Variants in RBFOX1 observed in about 807,000 individuals in gnomAD.
RBFOX1 encodes the protein RNA binding fox-1 homolog 1.
In RBFOX1, 8 loss-of-function variants were observed where a neutral mutation model predicts 57.7. That is an observed-to-expected ratio of 0.14 (90% CI 0.08 to 0.25). RBFOX1 has a LOEUF of 0.25. Among genes scored for constraint, RBFOX1 ranks in the 10% least tolerant of loss-of-function variants. The pLI, the probability that RBFOX1 is intolerant of heterozygous loss-of-function variation, is 1.00. For missense variants in RBFOX1, 611 were observed against 548.5 expected (o/e 1.11, Z -1.14); for synonymous variants, 326 against 222.4 (o/e 1.47, Z -4.15).
At chr16:7,377,923 G>A (rs1189161881) in intron 4 of RBFOX1, among the ~76,000 whole-genome samples, 1 of 152,172 alleles carries the variant, frequency 6.6e-6, no homozygotes, top group Non-Finnish European at 1.5e-5. Context: ...AAGTTTTAAG[G>A]AGGTGATGTT....
chr16:6,672,298 A>G (rs941628790), intron 3 of RBFOX1, among the ~76,000 whole-genome samples: 2 of 152,100 alleles, frequency 1.3e-5, no homozygotes, highest in African/African-American at 4.8e-5. Context: ...TATACATCCA[A>G]TATAAAATAA....
intron 3 of RBFOX1, among the ~76,000 whole-genome samples, chr16:6,832,557 C>G (rs1040949806): frequency 8.5e-5 from 13 of 152,172 alleles, no homozygotes; most frequent in African/African-American, 2.9e-4. Flanking sequence ...GTCTTGGGGT[C>G]TCAGGGGCTG....
At chr16:7,014,701 A>G (rs9926160) in intron 3 of RBFOX1, among the ~76,000 whole-genome samples, 114,767 of 152,052 alleles carry the variant, frequency 0.75, 43,501 homozygotes, top group East Asian at 0.92. Context: ...GAGAGAGTGG[A>G]TGATAAACTA....
At position 7,346,894 on chromosome 16, in the gene RBFOX1, T is replaced by C. The variant is rs531243442; in HGVS notation, c.28-171253T>C. ...TGAAGGAACAGAACTCAATCCTGTC[T>C]AGCTTCAAAAAAAACGAGAGGGGCA... On this transcript the variant is annotated intron_variant, in intron 4 of 15. Transcript: ENST00000550418. Among the ~76,000 whole-genome samples, 9 of 152,216 alleles carry C rather than the reference T, an allele frequency of 5.9e-5. No individual in the cohort carries two copies. The Middle Eastern group carries it at 0.01, about 173-fold the overall frequency.
intron 4 of RBFOX1, among the ~76,000 whole-genome samples, chr16:7,330,571 C>G (rs2096675892): frequency 1.3e-5 from 2 of 151,096 alleles, no homozygotes; most frequent in African/African-American, 4.9e-5. Flanking sequence ...TACAATGGAT[C>G]ACTATCTTCT....
chr16:7,113,738 A>G (rs563472932), intron 4 of RBFOX1, among the ~76,000 whole-genome samples: 8 of 152,068 alleles, frequency 5.3e-5, no homozygotes, highest in Non-Finnish European at 8.8e-5. Context: ...ATAATGTCCT[A>G]TGTTATAGAT....
intron 2 of RBFOX1, among the ~76,000 whole-genome samples, chr16:5,557,410 T>G (rs59483243): frequency 6.6e-6 from 1 of 151,702 alleles, no homozygotes. Context: ...TGGGTCCCCA[T>G]ATGAAGCTTA....
At chr16:7,320,276 T>C (rs764108210) in intron 4 of RBFOX1, among the ~76,000 whole-genome samples, 1 of 152,074 alleles carries the variant, frequency 6.6e-6, no homozygotes, top group Non-Finnish European at 1.5e-5. Context: ...TCCCTCCCTG[T>C]ATCCATGTGT....
At chr16:6,722,218 C>A (rs1274935612) in intron 3 of RBFOX1, among the ~76,000 whole-genome samples, 1 of 152,192 alleles carries the variant, frequency 6.6e-6, no homozygotes, top group South Asian at 2.1e-4. Context: ...TTTGAAGGAA[C>A]CACTATCCTG....
At chr16:7,078,117 G>C (rs961398252) in intron 4 of RBFOX1, among the ~76,000 whole-genome samples, 5 of 152,072 alleles carry the variant, frequency 3.3e-5, no homozygotes, top group African/African-American at 1.2e-4. Context: ...GAGAAAGGCT[G>C]GTAACTCCAC....
At chr16:6,197,841 C>T (rs1386801458) in intron 1 of RBFOX1, among the ~76,000 whole-genome samples, 1 of 152,022 alleles carries the variant, frequency 6.6e-6, no homozygotes, top group Non-Finnish European at 1.5e-5. Flanking sequence ...TCTGTTGTTC[C>T]CTTCGTGTCC....
chr16:6,761,433 G>C (rs967276036), intron 3 of RBFOX1, among the ~76,000 whole-genome samples: 1 of 142,584 alleles, frequency 7.0e-6, no homozygotes, highest in African/African-American at 2.6e-5. Context: ...CAAGGTAACA[G>C]TTTTCCTGTT....
At chr16:6,126,123 A>T (rs1015859673) in intron 1 of RBFOX1, among the ~76,000 whole-genome samples, 1 of 152,188 alleles carries the variant, frequency 6.6e-6, no homozygotes, top group Non-Finnish European at 1.5e-5. Flanking sequence ...TTTCGTTTCC[A>T]CTTCAGCCAG....
intron 4 of RBFOX1, among the ~76,000 whole-genome samples, chr16:5,983,362 A>G (rs537343590): frequency 5.3e-5 from 8 of 152,196 alleles, no homozygotes; most frequent in Non-Finnish European, 1.2e-4. Context: ...TTAGACGTGG[A>G]GCTTCTCCGC....
At chr16:6,850,009 A>G (rs985148539) in intron 3 of RBFOX1, among the ~76,000 whole-genome samples, 2 of 152,206 alleles carry the variant, frequency 1.3e-5, no homozygotes, top group Admixed American at 6.5e-5. Flanking sequence ...AAAAGTGACA[A>G]GTGACATCTT....
chr16:7,166,660 T>C (rs2079564962), intron 4 of RBFOX1, among the ~76,000 whole-genome samples: 1 of 152,050 alleles, frequency 6.6e-6, no homozygotes, highest in African/African-American at 2.4e-5. Context: ...GAGGAAGGGG[T>C]GAGTGTAAAC....
intron 4 of RBFOX1, among the ~76,000 whole-genome samples, chr16:7,408,374 C>T (rs923957209): frequency 1.3e-5 from 2 of 152,142 alleles, no homozygotes; most frequent in Non-Finnish European, 2.9e-5. Context: ...AAATGTTAGA[C>T]TGTGTCTGAG....
At chr16:7,512,956 G>T (rs1422281684) in intron 4 of RBFOX1, among the ~76,000 whole-genome samples, 1 of 152,164 alleles carries the variant, frequency 6.6e-6, no homozygotes, top group East Asian at 1.9e-4. Context: ...GATAGAGAGG[G>T]AACTGCTTAT....
intron 4 of RBFOX1, among the ~76,000 whole-genome samples, chr16:7,245,721 C>T (rs2094267370): frequency 6.6e-6 from 1 of 152,156 alleles, no homozygotes; most frequent in South Asian, 2.1e-4. Flanking sequence ...GGATACTTAG[C>T]ATTAGAGAAA....
Sources: gnomAD v4.1 joint callset for allele counts (sites outside exome capture counted in the v4.1 genomes callset) on GRCh38, gnomAD v4.1.1 for gene constraint, MANE v1.5 for transcripts, NCBI Gene and HGNC (gene_info 2026-07-23, HGNC 2026-07-21) for gene names.